The following SHLD2 variants were observed in gnomAD, a reference collection of about 807,000 sequenced individuals.
The protein encoded by SHLD2 is RINN1-REV7-interacting novel NHEJ regulator 2.
SHLD2 carries 30 observed loss-of-function variants against 73.2 expected under a neutral mutation model. The ratio of observed to expected loss-of-function variants is 0.41; its 90% confidence interval spans 0.31 to 0.56. SHLD2 has a LOEUF of 0.56. SHLD2 is among the 20% of genes least tolerant of loss of function. The probability of loss-of-function intolerance (pLI) is 0.28; values close to 1 mark genes in which losing one functional copy is unlikely to be tolerated. For missense variants in SHLD2, 745 were observed against 1,055.9 expected (o/e 0.71, Z 4.08); for synonymous variants, 285 against 370.1 (o/e 0.77, Z 2.64).
intron 2 of SHLD2, among the ~76,000 whole-genome samples, chr10:87,111,162 T>A (rs1043885874): frequency 6.6e-6 from 1 of 152,010 alleles, no homozygotes; most frequent in Non-Finnish European, 1.5e-5. Flanking sequence ...AAAATTTTTT[T>A]AAAGTTTTTA....
At chr10:87,102,695 C>T (rs1589421415) in intron 2 of SHLD2, among the ~76,000 whole-genome samples, 1 of 151,704 alleles carries the variant, frequency 6.6e-6, no homozygotes, top group Non-Finnish European at 1.5e-5. Context: ...GGCGACAGAG[C>T]AAGATTTCAT....
At chr10:87,128,696 C>T (rs1334575891) in intron 2 of SHLD2, among the ~76,000 whole-genome samples, 2 of 152,154 alleles carry the variant, frequency 1.3e-5, no homozygotes, top group African/African-American at 4.8e-5. Context: ...AGTACAAAAT[C>T]ATTCTGGAAG....
At chr10:87,155,978 T>G (rs147237633) in intron 3 of SHLD2, among the ~76,000 whole-genome samples, 27,990 of 151,894 alleles carry the variant, frequency 0.18, 2,736 homozygotes, top group Middle Eastern at 0.32. Flanking sequence ...TCTACACTTT[T>G]CTGTTGTCCT....
chr10:87,175,778 G>C, intron 6 of SHLD2, 111 bp from the exon 7 acceptor site: 1 of 981,434 alleles, frequency 1.0e-6, no homozygotes, highest in Non-Finnish European at 1.5e-6. Flanking sequence ...AAATTCTTTA[G>C]TGATAAAAGA....
rs539480101 is a variant in SHLD2, at chr10:87,191,191, T to C, written c.*508T>C. 1.8e-5 allele frequency: 3 copies of C among 162,322 alleles called. No homozygotes were observed. The highest frequency in any genetic ancestry group is 1.1e-4 in the Admixed American group (2 of 17,586). The allele number at this position is 162,322 out of a possible 1,614,324, so 10.1% of individuals were successfully genotyped here. A position where few individuals can be genotyped will look rare whatever the true frequency, so the allele number is the denominator to read the frequency against. On this transcript the variant is annotated 3_prime_UTR_variant, in exon 10 of 10. Coordinates refer to ENST00000298786, the MANE Select transcript of SHLD2 (RefSeq NM_001330112.2). ...CAAGCGTGTCTTTCTATAAAAAGTA[T>C]TGAAAATGAAGGAAATGAGATCATG...
chr10:87,148,110 C>T (rs981195324), intron 2 of SHLD2, among the ~76,000 whole-genome samples: 4 of 152,200 alleles, frequency 2.6e-5, no homozygotes, highest in Admixed American at 1.3e-4. Context: ...CTCAGCCTCC[C>T]GAAGTTCTGG....
intron 8 of SHLD2, among the ~76,000 whole-genome samples, chr10:87,181,215 T>G (rs1180405506): frequency 1.6e-5 from 1 of 61,524 alleles, no homozygotes; most frequent in African/African-American, 5.9e-5. Flanking sequence ...ACCCCATCTC[T>G]ACCAAAAAAA....
rs528522927 is a variant in SHLD2 at position 87,142,013 on chromosome 10, A to G, written c.-5-9337A>G. ...GCCATCGCACTCCAGCCTGGGCAACAGAGCAAGACTCCATCTCAAAAAAAA... is the reference window on the plus strand; with the variant it reads ...GCCATCGCACTCCAGCCTGGGCAACGGAGCAAGACTCCATCTCAAAAAAAA... On this transcript the variant is annotated intron_variant, in intron 2 of 9. Coordinates refer to ENST00000298786, the MANE Select transcript of SHLD2 (RefSeq NM_001330112.2). Among the ~76,000 whole-genome samples the G allele has an allele frequency of 7.6e-3, 1,139 of 148,998 alleles. 16 individuals are homozygous for G. The highest frequency in any genetic ancestry group is 0.027 in the African/African-American group (1,094 of 40,752).
Position 87,170,669 on chromosome 10 carries a change from A to T in SHLD2, c.1825A>T (p.Thr609Ser), listed in dbSNP as rs1193776587. ...VLRVVDFTIL[T>S]EAVYSYRGQK... ...AAGAGTTGTTGATTTCACTATACTGACAGGTAAATATTTTGACTGCCTCCT... is the reference window on the plus strand; with the variant it reads ...AAGAGTTGTTGATTTCACTATACTGTCAGGTAAATATTTTGACTGCCTCCT... Residue 609 changes from threonine to serine, a missense_variant, in exon 5 of 10, where the codon ACA becomes TCA. Thr to Ser is a moderately conservative substitution (Grantham distance 58, BLOSUM62 1). Transcript: ENST00000298786. The T allele has an allele frequency of 6.2e-7, 1 of 1,602,080 alleles. No individual in the cohort carries two copies. The highest frequency in any genetic ancestry group is 8.5e-7 in the Non-Finnish European group (1 of 1,175,726).
At chr10:87,134,129 G>T (rs1359727275) in intron 2 of SHLD2, among the ~76,000 whole-genome samples, 1 of 152,214 alleles carries the variant, frequency 6.6e-6, no homozygotes, top group Non-Finnish European at 1.5e-5. Flanking sequence ...TTAATGTACT[G>T]AGGGAGTGAA....
At chr10:87,111,277 C>T (rs1169103460) in intron 2 of SHLD2, among the ~76,000 whole-genome samples, 1 of 152,188 alleles carries the variant, frequency 6.6e-6, no homozygotes, top group Non-Finnish European at 1.5e-5. Context: ...GTCCTCCCAC[C>T]TCAGCCTTCT....
At position 87,170,940 on chromosome 10, in the gene SHLD2, A is replaced by T; in HGVS notation, c.1929A>T (p.Gly643=). The change falls in exon 6 of 10, where the codon GGA becomes GGT. Residue 643 remains glycine, a synonymous_variant. Transcript: ENST00000298786. ...QHYALVLWGP[G]AAWYPQLQRK... ...ATGCGCTTGTATTATGGGGTCCTGG[A>T]GCAGCCTGGTACCCTCAACTTCAAA... is the stretch of plus-strand genomic sequence containing the variant. The T allele has an allele frequency of 6.3e-7, 1 of 1,587,316 alleles. No individual in the cohort carries two copies. Among genetic ancestry groups the T allele is most frequent in the South Asian group, 1.1e-5 (1 of 90,128 alleles).
At chr10:87,096,337 G>T (rs555791498) in intron 1 of SHLD2, among the ~76,000 whole-genome samples, 130 of 152,214 alleles carry the variant, frequency 8.5e-4, no homozygotes, top group African/African-American at 3.0e-3. Flanking sequence ...GAGCCACCGC[G>T]CCTGGCCTCA....
At chr10:87,143,272 T>C (rs932526290) in intron 2 of SHLD2, among the ~76,000 whole-genome samples, 10 of 152,054 alleles carry the variant, frequency 6.6e-5, no homozygotes, top group Admixed American at 5.9e-4. Flanking sequence ...ATGGCGTGGA[T>C]GGGGAGGTGA....
chr10:87,139,591 A>G (rs1051561790), intron 2 of SHLD2, among the ~76,000 whole-genome samples: 1 of 152,198 alleles, frequency 6.6e-6, no homozygotes, highest in African/African-American at 2.4e-5. Context: ...CACAAGCCAG[A>G]TATGGTGACT....
intron 7 of SHLD2, among the ~76,000 whole-genome samples, chr10:87,179,648 G>A (rs1336806225): frequency 5.9e-5 from 9 of 152,120 alleles, no homozygotes; most frequent in Non-Finnish European, 8.8e-5. Context: ...TGATCTGCCC[G>A]CGTCGGCCTC....
chr10:87,147,076 A>AG (rs1564596487), intron 2 of SHLD2, among the ~76,000 whole-genome samples: 1 of 140,984 alleles, frequency 7.1e-6, no homozygotes, highest in African/African-American at 2.8e-5. Flanking sequence ...AAAAAAGAAA[A>AG]AAAAAAAAAA....
intron 9 of SHLD2, among the ~76,000 whole-genome samples, chr10:87,188,721 C>T (rs1848799348): frequency 6.6e-6 from 1 of 152,162 alleles, no homozygotes. Flanking sequence ...AAACTGTGCT[C>T]CTGTTCCATC....
chr10:87,113,282 C>G (rs1843045236), intron 2 of SHLD2, among the ~76,000 whole-genome samples: 1 of 152,150 alleles, frequency 6.6e-6, no homozygotes, highest in Admixed American at 6.6e-5. Context: ...CGAGATCATG[C>G]CATTGCACTC....
Sources: allele counts gnomAD v4.1 joint callset (sites outside exome capture counted in the v4.1 genomes callset), GRCh38; gene constraint gnomAD v4.1.1; transcripts MANE v1.5; gene names NCBI Gene and HGNC (gene_info 2026-07-23, HGNC 2026-07-21).